Variants in MYO5B observed in about 807,000 individuals in gnomAD.
MYO5B encodes myosin VB.
Under a neutral mutation model 229.3 loss-of-function variants are expected in MYO5B, and 143 were observed. The observed-to-expected ratio is 0.62, with a 90% CI of 0.54 to 0.72. The LOEUF (loss-of-function observed/expected upper bound fraction) is 0.72. Ranked by LOEUF, MYO5B falls within the 30% of genes least tolerant of loss-of-function variation. MYO5B has a pLI of 0.00. For missense variants in MYO5B, 2,321 were observed against 2,331.0 expected, an observed-to-expected ratio of 1.00 and a Z score of 0.09; for synonymous variants, 918 against 885.2, an observed-to-expected ratio of 1.04 and a Z score of -0.66.
At chr18:49,998,319 C>A (rs960435605) in intron 5 of MYO5B, among the ~76,000 whole-genome samples, 1 of 152,132 alleles carries the variant, frequency 6.6e-6, no homozygotes, top group African/African-American at 2.4e-5. Flanking sequence ...ATGTTTTGAG[C>A]TCAAACCACT....
chr18:49,845,606 G>A (rs2024115378), intron 33 of MYO5B, among the ~76,000 whole-genome samples: 1 of 152,202 alleles, frequency 6.6e-6, no homozygotes. Flanking sequence ...GGGCAGGCAG[G>A]TCAGTGTCAT....
chr18:50,159,770 A>C (rs2032736558), intron 1 of MYO5B, among the ~76,000 whole-genome samples: 1 of 152,170 alleles, frequency 6.6e-6, no homozygotes, highest in Non-Finnish European at 1.5e-5. Flanking sequence ...CAAGGTCTTC[A>C]CGTTCCACTG....
intron 14 of MYO5B, among the ~76,000 whole-genome samples, chr18:49,941,934 A>C (rs202024365): frequency 6.5e-3 from 719 of 110,452 alleles, no homozygotes; most frequent in Non-Finnish European, 8.8e-3. Flanking sequence ...ACTATACTAT[A>C]AGGCTACAGT....
At chr18:49,954,879 T>C (rs1221889079) in intron 12 of MYO5B, among the ~76,000 whole-genome samples, 1 of 152,192 alleles carries the variant, frequency 6.6e-6, no homozygotes, top group East Asian at 1.9e-4. Flanking sequence ...CTACCTTCCC[T>C]CCCTAAACTC....
Position 50,034,391 on chromosome 18 carries a change from C to T in MYO5B, c.455+2459G>A, listed in dbSNP as rs570301281. 1.4e-4 allele frequency among the ~76,000 whole-genome samples: 22 copies of T among 152,318 alleles called. No homozygotes were observed. In the South Asian group the frequency reaches 4.4e-3, roughly 30 times the overall value. ...GCTCAACAGATTCTGCTGAGGCTTC[C>T]AATGTACATCTCAGATCAGTAACAG... On this transcript the variant is annotated intron_variant, in intron 4 of 39. Coordinates refer to ENST00000285039, the MANE Select transcript of MYO5B (RefSeq NM_001080467.3).
intron 22 of MYO5B, among the ~76,000 whole-genome samples, chr18:49,882,356 TGC>T (rs2024596687): frequency 3.2e-4 from 2 of 6,270 alleles, no homozygotes; most frequent in African/African-American, 1.1e-3. Flanking sequence ...CCAGGTACCG[TGC>T]GTGGCTCACA....
At chr18:49,914,215 G>A (rs1047679121) in intron 17 of MYO5B, among the ~76,000 whole-genome samples, 1 of 152,128 alleles carries the variant, frequency 6.6e-6, no homozygotes, top group Non-Finnish European at 1.5e-5. Flanking sequence ...TGCTGCTGTG[G>A]GGCTAGAGCC....
intron 1 of MYO5B, among the ~76,000 whole-genome samples, chr18:50,184,901 A>T (rs1468254110): frequency 1.4e-4 from 8 of 59,218 alleles, no homozygotes; most frequent in Non-Finnish European, 3.4e-4. Context: ...CACAGAAAAA[A>T]ATATATATAT....
At chr18:50,048,429 C>T (rs191288575) in intron 2 of MYO5B, among the ~76,000 whole-genome samples, 1 of 152,324 alleles carries the variant, frequency 6.6e-6, no homozygotes, top group Admixed American at 6.5e-5. Context: ...GTGCACAAGG[C>T]TGGCTGGTAC....
At chr18:49,887,507 G>A (rs905937652) in intron 22 of MYO5B, among the ~76,000 whole-genome samples, 3 of 151,936 alleles carry the variant, frequency 2.0e-5, no homozygotes, top group Admixed American at 1.3e-4. Flanking sequence ...GCACCTCCCC[G>A]CTCTCTCTTG....
intron 22 of MYO5B, among the ~76,000 whole-genome samples, chr18:49,887,126 T>C (rs572263605): frequency 1.3e-5 from 2 of 152,322 alleles, no homozygotes; most frequent in Admixed American, 6.5e-5. Flanking sequence ...GTGGCATACA[T>C]GCTGTTAACC....
chr18:49,839,905 G>A, intron 35 of MYO5B: 1 of 158,344 alleles, frequency 6.3e-6, no homozygotes, highest in South Asian at 1.8e-4. Flanking sequence ...TTCAGGCCTA[G>A]GGAAACCAGT....
chr18:50,104,286 A>ATATATATG, intron 1 of MYO5B, among the ~76,000 whole-genome samples: 1 of 144,466 alleles, frequency 6.9e-6, no homozygotes, highest in South Asian at 2.1e-4. Flanking sequence ...ATATATATAT[A>ATATATATG]TATATCTCAT....
intron 17 of MYO5B, among the ~76,000 whole-genome samples, chr18:49,925,003 A>T (rs993597354): frequency 6.6e-6 from 1 of 152,246 alleles, no homozygotes; most frequent in Non-Finnish European, 1.5e-5. Flanking sequence ...AACTATCTGA[A>T]TGGATCCCTC....
Position 50,195,033 on chromosome 18 carries a change from G to C in MYO5B, c.-240C>G. 2 of 398,996 alleles carry C rather than the reference G, an allele frequency of 5.0e-6. No individual in the cohort carries two copies. The highest frequency in any genetic ancestry group is 8.3e-6 in the Non-Finnish European group (2 of 241,092). 24.7% of individuals were successfully genotyped at this position (398,996 alleles called of 1,614,324 possible). On this transcript the variant is annotated 5_prime_UTR_variant, in exon 1 of 40. Coordinates refer to ENST00000285039, the MANE Select transcript of MYO5B (RefSeq NM_001080467.3). ...GCCGGACAGGAGTTGCGAGCGCCGGGGGAGGAGGCCGCGCCGCACCACTCC... is the reference window on the plus strand; with the variant it reads ...GCCGGACAGGAGTTGCGAGCGCCGGCGGAGGAGGCCGCGCCGCACCACTCC...
In MYO5B at chr18:49,845,272, CTG is replaced by C. The variant is rs748543841; in HGVS notation, c.4459+1872_4459+1873del. On this transcript the variant is annotated intron_variant, in intron 33 of 39. Transcript: ENST00000285039. ...CCACATTTAATTAATTGCTGGACAA[CTG>C]TAGGGGAGATTAAGCTTTTTAAAAG... Among the ~76,000 whole-genome samples the C allele has an allele frequency of 4.3e-4, 66 of 152,286 alleles. 1 individual carries two copies. The highest frequency in any genetic ancestry group is 3.2e-3 in the Admixed American group (49 of 15,294).
chr18:49,920,165 T>A (rs936174497), intron 17 of MYO5B, among the ~76,000 whole-genome samples: 6 of 152,188 alleles, frequency 3.9e-5, no homozygotes, highest in African/African-American at 1.4e-4. Flanking sequence ...GAGTGGGGAC[T>A]ATTAATGGAC....
chr18:49,856,319 G>T (rs961311143), intron 30 of MYO5B, among the ~76,000 whole-genome samples: 4 of 152,198 alleles, frequency 2.6e-5, no homozygotes, highest in Admixed American at 6.5e-5. Context: ...GAGTCCCGGA[G>T]ATCAGGACCA....
At chr18:50,054,450 C>T (rs1025783583) in intron 2 of MYO5B, among the ~76,000 whole-genome samples, 2 of 152,154 alleles carry the variant, frequency 1.3e-5, no homozygotes, top group African/African-American at 2.4e-5. Flanking sequence ...TGTTCACTGC[C>T]CCCCTTTAGC....
Sources: gnomAD v4.1 joint callset for allele counts (sites outside exome capture counted in the v4.1 genomes callset) on GRCh38, gnomAD v4.1.1 for gene constraint, MANE v1.5 for transcripts, NCBI Gene and HGNC (gene_info 2026-07-23, HGNC 2026-07-21) for gene names.